The following CACNA1I variants were observed in gnomAD, a reference collection of about 807,000 sequenced individuals.
CACNA1I encodes calcium voltage-gated channel subunit alpha1 I.
Under a neutral mutation model 201.6 loss-of-function variants are expected in CACNA1I, and 74 were observed. The observed-to-expected ratio is 0.37, with a 90% CI of 0.30 to 0.45. The LOEUF (loss-of-function observed/expected upper bound fraction) is 0.45, where lower values mean the gene tolerates loss of function less well. Among genes scored for constraint, CACNA1I ranks in the 20% least tolerant of loss-of-function variants. The pLI, the probability that CACNA1I is intolerant of heterozygous loss-of-function variation, is 1.00. For missense variants in CACNA1I, 2,346 were observed against 3,138.1 expected (o/e 0.75, Z 6.03); for synonymous variants, 1,431 against 1,345.2 (o/e 1.06, Z -1.40).
At position 39,659,896 on chromosome 22, in the gene CACNA1I, G is replaced by A. The variant is rs770549904; in HGVS notation, c.2604+44G>A. The A allele has an allele frequency of 3.4e-5, 55 of 1,610,394 alleles. No homozygotes were observed. Among genetic ancestry groups the A allele is most frequent in the Non-Finnish European group, 3.7e-5 (44 of 1,177,444 alleles). On this transcript the variant is annotated intron_variant, in intron 14 of 36. Transcript: ENST00000402142. This position sits in a 1 kb window ranked among gnomAD's most constrained non-coding sequence, Gnocchi z 4.3. ...GAGGAAGCACCCCCACAGGGTCTGC[G>A]AAAGACTGGGCGAGGGAGAGGTGGC...
At chr22:39,633,918 T>C (rs1934134360) in intron 4 of CACNA1I, among the ~76,000 whole-genome samples, 1 of 152,226 alleles carries the variant, frequency 6.6e-6, no homozygotes, top group Non-Finnish European at 1.5e-5. Context: ...GTGGTAGTTC[T>C]GGCTGGTACT....
intron 10 of CACNA1I, among the ~76,000 whole-genome samples, chr22:39,655,233 G>C (rs1225201801): frequency 6.8e-6 from 1 of 147,648 alleles, no homozygotes; most frequent in Non-Finnish European, 1.5e-5. Flanking sequence ...CCATTATTAT[G>C]ATGGGGATGG....
chr22:39,663,890 G>C (rs1318239101), intron 19 of CACNA1I, 49 bp downstream of exon 19: 1 of 1,608,512 alleles, frequency 6.2e-7, no homozygotes, highest in Non-Finnish European at 8.5e-7. Context: ...CCAAGGGACA[G>C]CTCGCCAGGG....
rs761343264 is a variant in CACNA1I, at chr22:39,663,712, G to A, written c.3474-6G>A. 5 of 1,118,592 alleles carry A rather than the reference G, an allele frequency of 4.5e-6. No homozygotes were observed. In the East Asian group the frequency reaches 1.0e-4, roughly 23 times the overall value. The allele number at this position is 1,118,592 out of a possible 1,614,324, so 69.3% of individuals were successfully genotyped here. A position where few individuals can be genotyped will look rare whatever the true frequency, so the allele number is the denominator to read the frequency against. On this transcript the variant is annotated splice_polypyrimidine_tract_variant and splice_region_variant and intron_variant, in intron 18 of 36. Coordinates refer to ENST00000402142, the MANE Select transcript of CACNA1I (RefSeq NM_021096.4). Reference sequence around the variant, plus strand: ...CGCTCAGGCAGCCCCCGCCCACCCTGCCCAGGTTCCGGGTCCTGTGTCAGA... The same window carrying A: ...CGCTCAGGCAGCCCCCGCCCACCCTACCCAGGTTCCGGGTCCTGTGTCAGA...
At chr22:39,647,368 G>C (rs1934522978) in intron 8 of CACNA1I, among the ~76,000 whole-genome samples, 1 of 152,196 alleles carries the variant, frequency 6.6e-6, no homozygotes, top group South Asian at 2.1e-4. Flanking sequence ...GCATGTTGGG[G>C]ACTCATGCCA....
chr22:39,658,818 G>A (rs1934904966), intron 11 of CACNA1I, 113 bp from the exon 12 acceptor site: 1 of 908,860 alleles, frequency 1.1e-6, no homozygotes, highest in Non-Finnish European at 1.7e-6. Context: ...CAGATGGATG[G>A]ATGAATGGAA....
At chr22:39,624,211 T>C (rs529440885) in intron 4 of CACNA1I, among the ~76,000 whole-genome samples, 21 of 152,144 alleles carry the variant, frequency 1.4e-4, no homozygotes, top group Non-Finnish European at 2.9e-5. Flanking sequence ...CACGTGTGTG[T>C]GGGCGCCTGT....
Position 39,674,068 on chromosome 22 carries a change from G to A in CACNA1I, c.4854+35G>A, listed in dbSNP as rs59151714. The stretch of plus-strand genomic sequence containing the variant: ...ACTCTTTCTGGCAGCCCTCCTAGGG[G>A]TCATTGGTGTCAGGCTGGGCCCTGG... On this transcript the variant is annotated intron_variant, in intron 29 of 36. Coordinates refer to ENST00000402142, the MANE Select transcript of CACNA1I (RefSeq NM_021096.4). The A allele has an allele frequency of 2.1e-4, 334 of 1,596,542 alleles. 1 individual carries two copies. In the East Asian group the frequency reaches 7.3e-3, roughly 35 times the overall value.
chr22:39,662,148 G>A lies in CACNA1I; in HGVS notation c.3085G>A (p.Ala1029Thr). The A allele has an allele frequency of 6.5e-7, 1 of 1,527,092 alleles. No individual in the cohort carries two copies. 94.6% of individuals were successfully genotyped at this position (1,527,092 alleles called of 1,614,324 possible). The part of the protein sequence containing the change: ...EVAADEGPPR[A>T]APLHTPHAHH... ...TGCCGCGGACGAGGGGCCGCCGCGG[G>A]CCGCACCCCTGCACACCCCACACGC... Residue 1029 changes from alanine to threonine, a missense_variant, in exon 17 of 37, where the codon GCC becomes ACC. By Grantham distance (58) the Ala-to-Thr change is moderately conservative. Coordinates refer to ENST00000402142, the MANE Select transcript of CACNA1I (RefSeq NM_021096.4).
chr22:39,576,597 G>A (rs79379844), intron 1 of CACNA1I, among the ~76,000 whole-genome samples: 1 of 152,372 alleles, frequency 6.6e-6, no homozygotes, highest in Non-Finnish European at 1.5e-5. Context: ...GTGGGAAGCA[G>A]TGATGCATAG....
At chr22:39,671,611 G>C (rs1424750782) in intron 26 of CACNA1I, among the ~76,000 whole-genome samples, 1 of 152,132 alleles carries the variant, frequency 6.6e-6, no homozygotes, top group Admixed American at 6.5e-5. Context: ...TGATGGAGTT[G>C]GAGGGGAAGA....
chr22:39,665,797 TGAGTAAACGCGATCGAGA>T lies in CACNA1I; in HGVS notation c.3979-82_3979-65del. 1 of 1,586,404 alleles carries T rather than the reference TGAGTAAACGCGATCGAGA, an allele frequency of 6.3e-7. No homozygotes were observed. The highest frequency in any genetic ancestry group is 8.6e-7 in the Non-Finnish European group (1 of 1,158,460). On this transcript the variant is annotated intron_variant, in intron 22 of 36. Coordinates refer to ENST00000402142, the MANE Select transcript of CACNA1I (RefSeq NM_021096.4). The surrounding 1 kb of genome is among the most constrained non-coding windows in gnomAD (Gnocchi z 5.5). ...CCAGATGACTGAGCACAAGACAGTC[TGAGTAAACGCGATCGAGA>T]GGCGAGTTCCTCTCTGACTTGCAAC... is the stretch of plus-strand genomic sequence containing the variant.
intron 4 of CACNA1I, among the ~76,000 whole-genome samples, chr22:39,627,797 C>G (rs1180593652): frequency 1.3e-5 from 2 of 152,184 alleles, no homozygotes; most frequent in African/African-American, 4.8e-5. Flanking sequence ...GTTTTAGGCA[C>G]CCACAAGGGG....
At chr22:39,631,075 G>A (rs1409994438) in intron 4 of CACNA1I, among the ~76,000 whole-genome samples, 1 of 152,212 alleles carries the variant, frequency 6.6e-6, no homozygotes, top group Non-Finnish European at 1.5e-5. Flanking sequence ...CGTATGGGCT[G>A]TTGGAGGCTT....
At position 39,629,782 on chromosome 22, in the gene CACNA1I, T is replaced by G. The variant is rs763707596; in HGVS notation, c.581-4783T>G. Reference sequence around the variant, plus strand: ...GGCCTGACCCCCTTTCAGAGATGTGTATGCCGTTCGGGGCGCTGTCCACAG... The same window carrying G: ...GGCCTGACCCCCTTTCAGAGATGTGGATGCCGTTCGGGGCGCTGTCCACAG... On this transcript the variant is annotated intron_variant, in intron 4 of 36. Transcript: ENST00000402142. The surrounding 1 kb of genome is among the most constrained non-coding windows in gnomAD (Gnocchi z 4.8). 2.0e-5 allele frequency among the ~76,000 whole-genome samples: 3 copies of G among 152,128 alleles called. No homozygotes were observed. The highest frequency in any genetic ancestry group is 4.4e-5 in the Non-Finnish European group (3 of 67,994).
chr22:39,582,125 G>C (rs1423874629), intron 1 of CACNA1I, among the ~76,000 whole-genome samples: 1 of 152,174 alleles, frequency 6.6e-6, no homozygotes, highest in African/African-American at 2.4e-5. Flanking sequence ...GGAGCAGTGG[G>C]GGAGGCTCCC....
At position 39,666,116 on chromosome 22, in the gene CACNA1I, TCTC is replaced by T. The variant is rs962493382; in HGVS notation, c.4104+114_4104+116del. 4.4e-6 allele frequency: 6 copies of T among 1,349,020 alleles called. No individual in the cohort carries two copies. The highest frequency in any genetic ancestry group is 1.4e-5 in the African/African-American group (1 of 68,966). The allele number at this position is 1,349,020 out of a possible 1,614,324, so 83.6% of individuals were successfully genotyped here. A position where few individuals can be genotyped will look rare whatever the true frequency, so the allele number is the denominator to read the frequency against. ...TGCACTGCCAGGACTGACACTGACT[TCTC>T]CTCTCCAAGCCTCAGTTTCCTCTTC... On this transcript the variant is annotated intron_variant, in intron 23 of 36. Transcript: ENST00000402142. The surrounding 1 kb of genome is among the most constrained non-coding windows in gnomAD (Gnocchi z 4.1).
At chr22:39,576,019 C>T (rs1932335938) in intron 1 of CACNA1I, among the ~76,000 whole-genome samples, 2 of 152,184 alleles carry the variant, frequency 1.3e-5, no homozygotes. Context: ...AAGTGATCTG[C>T]CCGCCTCGGC....
intron 10 of CACNA1I, among the ~76,000 whole-genome samples, chr22:39,652,999 C>T (rs765524501): frequency 1.4e-4 from 21 of 152,150 alleles, no homozygotes; most frequent in Non-Finnish European, 2.5e-4. Flanking sequence ...TTGGCTTCCT[C>T]ACCTGGCACC....
Sources: allele counts gnomAD v4.1 joint callset (sites outside exome capture counted in the v4.1 genomes callset), GRCh38; gene constraint gnomAD v4.1.1; non-coding constraint Gnocchi (gnomAD v3.1); transcripts MANE v1.5; gene names NCBI Gene and HGNC (gene_info 2026-07-23, HGNC 2026-07-21).